The following IQGAP2 variants were observed in gnomAD, a reference collection of about 807,000 sequenced individuals.
IQGAP2 encodes ras GTPase-activating-like protein IQGAP2.
Under a neutral mutation model 201.3 loss-of-function variants are expected in IQGAP2, and 173 were observed. The ratio of observed to expected loss-of-function variants is 0.86; its 90% CI spans 0.76 to 0.98. The LOEUF (loss-of-function observed/expected upper bound fraction) is 0.98. Ranked by LOEUF, IQGAP2 falls within the 50% of genes least tolerant of loss-of-function variation. The pLI is 0.00. For synonymous variants in IQGAP2, 675 were observed against 673.9 expected, an observed-to-expected ratio of 1.00 and a Z score of -0.03; for missense variants, 1,687 against 1,864.8, an observed-to-expected ratio of 0.90 and a Z score of 1.76.
chr5:76,665,322 T>A (rs1228823565), intron 22 of IQGAP2, 147 bp downstream of exon 22: 9 of 669,166 alleles, frequency 1.3e-5, no homozygotes, highest in Non-Finnish European at 2.1e-5. Flanking sequence ...TTGTTGGTGC[T>A]TTACATACAT....
At chr5:76,549,848 T>C (rs1018120118) in intron 2 of IQGAP2, among the ~76,000 whole-genome samples, 1 of 152,130 alleles carries the variant, frequency 6.6e-6, no homozygotes, top group African/African-American at 2.4e-5. Flanking sequence ...TGTCTTCAAA[T>C]ACAGTCTCAT....
intron 1 of IQGAP2, among the ~76,000 whole-genome samples, chr5:76,456,291 T>C (rs1754080279): frequency 6.6e-6 from 1 of 152,216 alleles, no homozygotes; most frequent in Non-Finnish European, 1.5e-5. Flanking sequence ...TTAGAGTGCC[T>C]GTGAATACGT....
At chr5:76,430,567 G>A (rs147756829) in intron 1 of IQGAP2, among the ~76,000 whole-genome samples, 3 of 152,314 alleles carry the variant, frequency 2.0e-5, no homozygotes, top group East Asian at 3.9e-4. Flanking sequence ...CTTAGCTTTG[G>A]AAGTCAGATA....
At chr5:76,489,401 C>T (rs183599602) in intron 2 of IQGAP2, among the ~76,000 whole-genome samples, 1 of 152,268 alleles carries the variant, frequency 6.6e-6, no homozygotes, top group African/African-American at 2.4e-5. Context: ...GATGTCCTTT[C>T]ATCTCGCCAC....
chr5:76,414,416 T>A (rs1167098607), intron 1 of IQGAP2, among the ~76,000 whole-genome samples: 2 of 152,216 alleles, frequency 1.3e-5, no homozygotes, highest in Non-Finnish European at 2.9e-5. Flanking sequence ...TTAGGAAGTT[T>A]GTCCAAGAAA....
intron 2 of IQGAP2, among the ~76,000 whole-genome samples, chr5:76,469,365 T>C (rs536697243): frequency 2.0e-5 from 3 of 152,192 alleles, no homozygotes; most frequent in Non-Finnish European, 4.4e-5. Flanking sequence ...AATTATGAAG[T>C]CTTTACGTAT....
intron 31 of IQGAP2, 40 bp from the exon 32 acceptor site, chr5:76,695,414 G>A (rs767403513): frequency 1.3e-6 from 2 of 1,528,222 alleles, no homozygotes; most frequent in East Asian, 4.5e-5. Flanking sequence ...TGAAATTAGG[G>A]GATCAGAGAA....
chr5:76,562,220 A>C (rs1055343781), intron 2 of IQGAP2, among the ~76,000 whole-genome samples, 176 bp from the exon 3 acceptor site: 1 of 152,158 alleles, frequency 6.6e-6, no homozygotes, highest in African/African-American at 2.4e-5. Context: ...TGTTCGTCTC[A>C]TGTTCAAAAT....
chr5:76,601,024 G>T (rs1336909880), intron 11 of IQGAP2, 52 bp downstream of exon 11: 3 of 1,560,050 alleles, frequency 1.9e-6, no homozygotes. Context: ...ATGTTTGGCA[G>T]ATCTTAAAAG....
intron 2 of IQGAP2, among the ~76,000 whole-genome samples, chr5:76,500,167 G>A (rs933475231): frequency 2.6e-5 from 4 of 152,058 alleles, no homozygotes; most frequent in South Asian, 2.1e-4. Context: ...AAAAAGCCTC[G>A]AAGAACTTTA....
At chr5:76,677,592 C>T in intron 28 of IQGAP2, 1 of 314,312 alleles carries the variant, frequency 3.2e-6, no homozygotes, top group Non-Finnish European at 5.8e-6. Flanking sequence ...AATAAAACTT[C>T]TCCCCAAAAA....
intron 31 of IQGAP2, among the ~76,000 whole-genome samples, chr5:76,695,094 T>C (rs1402320042): frequency 6.6e-6 from 1 of 152,218 alleles, no homozygotes; most frequent in Non-Finnish European, 1.5e-5. Context: ...CATAGCCACA[T>C]TTCAATAGGT....
chr5:76,480,650 A>G (rs1755723608), intron 2 of IQGAP2, among the ~76,000 whole-genome samples: 1 of 152,192 alleles, frequency 6.6e-6, no homozygotes, highest in South Asian at 2.1e-4. Flanking sequence ...TGTCTCCCCA[A>G]ATACAGCCCC....
At chr5:76,582,229 T>G (rs533080823) in intron 5 of IQGAP2, among the ~76,000 whole-genome samples, 19 of 152,374 alleles carry the variant, frequency 1.2e-4, no homozygotes, top group African/African-American at 4.6e-4. Flanking sequence ...AAGTCAATTA[T>G]TTCCCTACTT....
rs1580439789 is a variant in IQGAP2, at chr5:76,551,872, A to G, written c.147-10524A>G. ...AGAGGGAGACGGGAGAGGGAGACGG[A>G]GAGGGGGAGGGGGAGGGGAGGGGGA... On this transcript the variant is annotated intron_variant, in intron 2 of 35. Transcript: ENST00000274364. 1.7e-4 allele frequency among the ~76,000 whole-genome samples: 6 copies of G among 36,194 alleles called. 1 individual carries two copies. The South Asian group carries it at 5.5e-3, about 33-fold the overall frequency. 23.7% of individuals were successfully genotyped at this position (36,194 alleles called of 152,430 possible). A position where few individuals can be genotyped will look rare whatever the true frequency, so the allele number is the denominator to read the frequency against.
chr5:76,656,232 T>G lies in IQGAP2; in HGVS notation c.2320+1229T>G, dbSNP rs553835246. ...GTTTGTTTTTTGTTTTTTGTTTTTT[T>G]TTTTTCTTGAGACGGAGTCTCGCTC... On this transcript the variant is annotated intron_variant, in intron 20 of 35. Coordinates refer to ENST00000274364, the MANE Select transcript of IQGAP2 (RefSeq NM_006633.5). Among the ~76,000 whole-genome samples the G allele has an allele frequency of 2.8e-3, 421 of 152,248 alleles. 1 individual carries two copies. The highest frequency in any genetic ancestry group is 0.014 in the Middle Eastern group (4 of 294).
intron 10 of IQGAP2, 32 bp downstream of exon 10, chr5:76,597,634 G>C: frequency 6.2e-7 from 1 of 1,610,980 alleles, no homozygotes; most frequent in Non-Finnish European, 8.5e-7. Context: ...CTGTGGGGAC[G>C]GTAACCCTGC....
intron 2 of IQGAP2, among the ~76,000 whole-genome samples, chr5:76,479,881 G>C (rs188018459): frequency 6.6e-6 from 1 of 150,894 alleles, no homozygotes; most frequent in Admixed American, 6.6e-5. Context: ...GTGTAGAACT[G>C]TGTGTGTGTG....
chr5:76,533,540 A>T (rs111683051), intron 2 of IQGAP2, among the ~76,000 whole-genome samples: 2,774 of 42,318 alleles, frequency 0.066, 26 homozygotes, highest in Middle Eastern at 0.11. Context: ...ATATATATAT[A>T]TTTTTTTATT....
Sources: gnomAD v4.1 joint callset for allele counts (sites outside exome capture counted in the v4.1 genomes callset) on GRCh38, gnomAD v4.1.1 for gene constraint, MANE v1.5 for transcripts, NCBI Gene and HGNC (gene_info 2026-07-23, HGNC 2026-07-21) for gene names.